The following CDH4 variants were observed in gnomAD, a reference collection of about 807,000 sequenced individuals.
CDH4 encodes cadherin-4.
Under a neutral mutation model 86.0 loss-of-function variants are expected in CDH4, and 33 were observed. The ratio of observed to expected loss-of-function variants is 0.38; its 90% confidence interval spans 0.29 to 0.51. The LOEUF is 0.51. Among genes scored for constraint, CDH4 ranks in the 20% least tolerant of loss-of-function variants. The pLI is 0.86. For synonymous variants in CDH4, 555 were observed against 549.4 expected (o/e 1.01, Z -0.14); for missense variants, 1,114 against 1,307.4 (o/e 0.85, Z 2.28).
At chr20:61,674,276 A>T (rs2087422574) in intron 2 of CDH4, among the ~76,000 whole-genome samples, 2 of 152,030 alleles carry the variant, frequency 1.3e-5, no homozygotes, top group African/African-American at 4.8e-5. Flanking sequence ...GGTGGAGGAG[A>T]GGTGGAGGGA....
At chr20:61,389,707 T>C (rs541321317) in intron 2 of CDH4, among the ~76,000 whole-genome samples, 99 of 148,746 alleles carry the variant, frequency 6.7e-4, no homozygotes, top group Admixed American at 1.5e-3. Flanking sequence ...TGAGAACAAT[T>C]GGCACCTGGT....
chr20:61,903,735 A>G (rs985082318), intron 8 of CDH4, among the ~76,000 whole-genome samples: 3 of 152,144 alleles, frequency 2.0e-5, no homozygotes, highest in Non-Finnish European at 2.9e-5. Context: ...GGGCCAGTGC[A>G]GCCTCAGCGA....
intron 2 of CDH4, among the ~76,000 whole-genome samples, chr20:61,679,154 G>A (rs554817600): frequency 1.3e-5 from 2 of 152,268 alleles, no homozygotes; most frequent in Non-Finnish European, 2.9e-5. Context: ...CAGTGGCTGC[G>A]TGGCATGGCC....
chr20:61,607,831 C>G (rs1224623869), intron 2 of CDH4, among the ~76,000 whole-genome samples: 1 of 152,206 alleles, frequency 6.6e-6, no homozygotes, highest in Non-Finnish European at 1.5e-5. Context: ...TAGCCAAAGA[C>G]AGAAGGGAGG....
intron 2 of CDH4, among the ~76,000 whole-genome samples, chr20:61,597,616 A>AG (rs2086566505): frequency 6.6e-6 from 1 of 151,630 alleles, no homozygotes; most frequent in African/African-American, 2.4e-5. Context: ...GGCTCTGCTG[A>AG]GGAGAGGGAG....
At chr20:61,287,864 G>A (rs935757353) in intron 2 of CDH4, among the ~76,000 whole-genome samples, 1 of 152,170 alleles carries the variant, frequency 6.6e-6, no homozygotes, top group East Asian at 1.9e-4. Flanking sequence ...TGGAAGAGGA[G>A]CCTGAAGCCG....
intron 2 of CDH4, among the ~76,000 whole-genome samples, chr20:61,428,483 T>G (rs2085226775): frequency 6.6e-6 from 1 of 152,194 alleles, no homozygotes; most frequent in Non-Finnish European, 1.5e-5. Flanking sequence ...AGCATCTGGC[T>G]TAATGGGTGG....
In CDH4 at chr20:61,773,080, C is replaced by G; in HGVS notation, c.474C>G (p.His158Gln). 7 of 1,613,664 alleles carry G rather than the reference C, an allele frequency of 4.3e-6. No individual in the cohort carries two copies. The highest frequency in any genetic ancestry group is 5.9e-6 in the Non-Finnish European group (7 of 1,179,924). The change falls in exon 4 of 16, where the codon CAC becomes CAG. Residue 158 changes from histidine to glutamine, a missense_variant. Physicochemically the swap from His to Gln is conservative, Grantham distance 24. Around this residue, in one of 3 missense-constraint regions of CDH4, gnomAD observed 221 missense variants for 209.5 expected, o/e 1.05. Transcript: ENST00000614565. The part of the protein sequence containing the change: ...PKDTLLPWPQ[H>Q]QNANGLRRRK... ...ACACCCTGCTGCCGTGGCCCCAGCACCAGAACGCCAACGGGCTGAGGCGGC... is the reference window on the plus strand; with the variant it reads ...ACACCCTGCTGCCGTGGCCCCAGCAGCAGAACGCCAACGGGCTGAGGCGGC...
chr20:61,875,341 G>C (rs1408784791), intron 7 of CDH4, among the ~76,000 whole-genome samples: 3 of 152,200 alleles, frequency 2.0e-5, no homozygotes, highest in South Asian at 2.1e-4. Flanking sequence ...CAGTTGGGGG[G>C]TAACCCTTGG....
intron 7 of CDH4, among the ~76,000 whole-genome samples, chr20:61,889,637 AGGTGG>A: frequency 8.8e-6 from 1 of 113,564 alleles, no homozygotes; most frequent in Non-Finnish European, 1.9e-5. Flanking sequence ...ATGGATGGAT[AGGTGG>A]ATGATGGATG....
Position 61,906,892 on chromosome 20 carries a change from G to C in CDH4, c.1189-3530G>C, listed in dbSNP as rs1028129508. 1.2e-4 allele frequency among the ~76,000 whole-genome samples: 18 copies of C among 152,062 alleles called. No individual in the cohort carries two copies. In the East Asian group the frequency reaches 3.5e-3, roughly 29 times the overall value. On this transcript the variant is annotated intron_variant, in intron 8 of 15. Transcript: ENST00000614565. ...CATGGCATCTCTGGAGAGGGCTCAG[G>C]GTCCTGGCACCCAGGACATTTTGCA...
chr20:61,809,179 TTTC>T (rs1980297300), intron 4 of CDH4, among the ~76,000 whole-genome samples: 1 of 152,180 alleles, frequency 6.6e-6, no homozygotes, highest in South Asian at 2.1e-4. Flanking sequence ...GTGGTGTCCT[TTTC>T]TTGTACTATT....
chr20:61,308,998 G>C (rs560229474), intron 2 of CDH4, among the ~76,000 whole-genome samples: 2 of 152,360 alleles, frequency 1.3e-5, no homozygotes, highest in South Asian at 4.1e-4. Flanking sequence ...ACAGACCTCA[G>C]TTGGAGCAGG....
chr20:61,895,003 G>A lies in CDH4; in HGVS notation c.1144G>A (p.Val382Met). Reference protein sequence around the residue: ...LSNTATAIITVTDVNDNPPEF... With the variant: ...LSNTATAIITMTDVNDNPPEF... ...AAACACAGCCACAGCCATCATCACG[G>A]TGACAGATGTGAATGACAACCCGCC... is the stretch of plus-strand genomic sequence containing the variant. Residue 382 changes from valine (V) to methionine (M), a missense_variant, in exon 8 of 16, where the codon GTG becomes ATG. By Grantham distance (21) the Val-to-Met change is conservative. This residue lies in a region of CDH4 where 705 missense variants were observed against 914.1 expected (regional missense o/e 0.77). Transcript: ENST00000614565. 1.2e-6 allele frequency: 2 copies of A among 1,613,904 alleles called. No individual in the cohort carries two copies. Among genetic ancestry groups the A allele is most frequent in the East Asian group, 2.2e-5 (1 of 44,888 alleles).
In CDH4 at chr20:61,782,849, C is replaced by T. The variant is rs376426929; in HGVS notation, c.576+9667C>T. ...CTGTCATCCCAGCACTTTGGGAGGC[C>T]GAGGTGGACGTACCACTTGAGGCCA... On this transcript the variant is annotated intron_variant, in intron 4 of 15. Coordinates refer to ENST00000614565, the MANE Select transcript of CDH4 (RefSeq NM_001794.5). Among the ~76,000 whole-genome samples, 13 of 152,238 alleles carry T rather than the reference C, an allele frequency of 8.5e-5. No homozygotes were observed. In the South Asian group the frequency reaches 1.7e-3, roughly 19 times the overall value.
At chr20:61,547,388 G>C (rs901350882) in intron 2 of CDH4, among the ~76,000 whole-genome samples, 1 of 151,184 alleles carries the variant, frequency 6.6e-6, no homozygotes, top group Non-Finnish European at 1.5e-5. Context: ...AATTTTTTTT[G>C]TATTTTTAGT....
intron 2 of CDH4, among the ~76,000 whole-genome samples, chr20:61,404,523 G>A (rs1600946016): frequency 2.0e-5 from 3 of 152,062 alleles, no homozygotes; most frequent in African/African-American, 7.2e-5. Flanking sequence ...TTGTGGTTAT[G>A]ACGATCTGCA....
rs190629508 is a variant in CDH4 at position 61,727,981 on chromosome 20, G to T, written c.170-15582G>T. On this transcript the variant is annotated intron_variant, in intron 2 of 15. Coordinates refer to ENST00000614565, the MANE Select transcript of CDH4 (RefSeq NM_001794.5). ...GGCCTTGCCCAGGTTAGAAGCAGGT[G>T]ACTCACTCCCAGCAGTGTAGGAAGC... Among the ~76,000 whole-genome samples, 22 of 152,334 alleles carry T rather than the reference G, an allele frequency of 1.4e-4. No homozygotes were observed. The East Asian group carries it at 4.1e-3, about 28-fold the overall frequency.
chr20:61,489,851 C>T (rs1331270512), intron 2 of CDH4, among the ~76,000 whole-genome samples: 2 of 152,182 alleles, frequency 1.3e-5, no homozygotes, highest in African/African-American at 4.8e-5. Flanking sequence ...TACCAGGGGC[C>T]TCCAAAAGTA....
Sources: allele counts gnomAD v4.1 joint callset (sites outside exome capture counted in the v4.1 genomes callset), GRCh38; gene constraint gnomAD v4.1.1; regional missense constraint gnomAD v4.1.1; transcripts MANE v1.5; gene names NCBI Gene and HGNC (gene_info 2026-07-23, HGNC 2026-07-21).